Variants in TSPAN7 observed in about 807,000 individuals in gnomAD.
TSPAN7 encodes the protein tetraspanin-7.
A neutral mutation model predicts 17.6 loss-of-function variants in TSPAN7; 1 was observed. The ratio of observed to expected loss-of-function variants is 0.06; its 90% confidence interval spans 0.02 to 0.27. The LOEUF (loss-of-function observed/expected upper bound fraction) is 0.27. Ranked by LOEUF, TSPAN7 falls within the 10% of genes least tolerant of loss-of-function variation. The pLI is 1.00. For missense variants in TSPAN7, 112 were observed against 201.7 expected (o/e 0.56, Z 2.69); for synonymous variants, 78 against 79.0 (o/e 0.99, Z 0.07).
At chrX:38,687,472 A>G (rs2069933161) in intron 6 of TSPAN7, 127 bp from the exon 7 acceptor site, 3 of 539,318 alleles carry the variant, frequency 5.6e-6, no homozygotes, top group Admixed American at 3.3e-5. Flanking sequence ...TTAAAAAATT[A>G]TGTCTAGTGA....
At chrX:38,617,661 G>A (rs2069463306) in intron 1 of TSPAN7, among the ~76,000 whole-genome samples, 1 of 112,196 alleles carries the variant, frequency 8.9e-6, no homozygotes, top group Non-Finnish European at 1.9e-5. Context: ...GACTCCCAAA[G>A]CATTGGTCAG....
intron 1 of TSPAN7, among the ~76,000 whole-genome samples, chrX:38,637,980 C>T (rs976717125): frequency 1.8e-5 from 2 of 111,426 alleles, no homozygotes; most frequent in African/African-American, 6.5e-5. Flanking sequence ...TTACATCAGA[C>T]CTGGAGCCAC....
At chrX:38,644,073 A>G (rs2069630993) in intron 1 of TSPAN7, among the ~76,000 whole-genome samples, 1 of 111,404 alleles carries the variant, frequency 9.0e-6, no homozygotes, top group Non-Finnish European at 1.9e-5. Flanking sequence ...TCCAGTGGGT[A>G]TAATAAAATT....
At chrX:38,676,196 A>G (rs1233417563) in intron 5 of TSPAN7, among the ~76,000 whole-genome samples, 4 of 111,345 alleles carry the variant, frequency 3.6e-5, no homozygotes, top group Non-Finnish European at 3.8e-5. Flanking sequence ...TCTGCTTAAT[A>G]TACCATCTAA....
At chrX:38,634,892 A>ACAGTGTACAGTGT (rs2069571185) in intron 1 of TSPAN7, among the ~76,000 whole-genome samples, 1 of 110,110 alleles carries the variant, frequency 9.1e-6, no homozygotes, top group South Asian at 3.9e-4. Flanking sequence ...TCATGTGCAT[A>ACAGTGTACAGTGT]ACCTGATAAG....
chrX:38,642,040 C>G (rs2069615182), intron 1 of TSPAN7, among the ~76,000 whole-genome samples: 1 of 111,917 alleles, frequency 8.9e-6, no homozygotes, highest in African/African-American at 3.3e-5. Flanking sequence ...TCATGTTTCT[C>G]CTGAAAGCCA....
At chrX:38,634,317 T>C (rs181254895) in intron 1 of TSPAN7, among the ~76,000 whole-genome samples, 1 of 112,336 alleles carries the variant, frequency 8.9e-6, no homozygotes, top group Admixed American at 9.4e-5. Flanking sequence ...TGCATAAGGC[T>C]TTAAAAGGTA....
chrX:38,673,435 T>G (rs1602122942), intron 3 of TSPAN7, among the ~76,000 whole-genome samples: 1 of 104,646 alleles, frequency 9.6e-6, no homozygotes, highest in East Asian at 3.1e-4. Context: ...TGGCACAATC[T>G]CTGCTTACTG....
chrX:38,603,602 C>T (rs1469522902), intron 1 of TSPAN7, among the ~76,000 whole-genome samples: 2 of 111,152 alleles, frequency 1.8e-5, no homozygotes, highest in Non-Finnish European at 3.8e-5. Context: ...AGTACTGATT[C>T]ATGCTATATC....
chrX:38,687,446 C>G (rs1462382255), intron 6 of TSPAN7, among the ~76,000 whole-genome samples, 153 bp from the exon 7 acceptor site: 2 of 111,653 alleles, frequency 1.8e-5, no homozygotes, highest in African/African-American at 6.5e-5. Context: ...CATTTACATA[C>G]AGAAACACTT....
chrX:38,594,857 A>C (rs2069310329), intron 1 of TSPAN7, among the ~76,000 whole-genome samples: 2 of 111,464 alleles, frequency 1.8e-5, no homozygotes, highest in South Asian at 7.5e-4. Context: ...GCATGCATGG[A>C]GTGGGTGGCG....
At chrX:38,655,121 G>A (rs1358386494) in intron 1 of TSPAN7, among the ~76,000 whole-genome samples, 1 of 111,534 alleles carries the variant, frequency 9.0e-6, no homozygotes, top group Non-Finnish European at 1.9e-5. Context: ...ATGAAATGTT[G>A]TGGGAGGATT....
intron 3 of TSPAN7, 21 bp from the exon 4 acceptor site, chrX:38,674,200 A>G (rs2069838890): frequency 6.1e-6 from 7 of 1,154,053 alleles, no homozygotes; most frequent in Middle Eastern, 2.4e-4. Flanking sequence ...CTGCAATCAC[A>G]TCCCTCCTTG....
At chrX:38,604,179 A>G (rs1329133787) in intron 1 of TSPAN7, among the ~76,000 whole-genome samples, 5 of 103,699 alleles carry the variant, frequency 4.8e-5, no homozygotes, top group Non-Finnish European at 7.9e-5. Context: ...AATTTCATCC[A>G]TGTCCCTACA....
At chrX:38,648,193 A>G (rs142760633) in intron 1 of TSPAN7, among the ~76,000 whole-genome samples, 2,324 of 112,241 alleles carry the variant, frequency 0.021, 61 homozygotes, top group African/African-American at 0.071. Flanking sequence ...TACAAATGTT[A>G]GAGGATATTT....
At chrX:38,573,944 C>T (rs973143589) in intron 1 of TSPAN7, among the ~76,000 whole-genome samples, 5 of 111,492 alleles carry the variant, frequency 4.5e-5, no homozygotes, top group Admixed American at 9.5e-5. Context: ...CTTTGATCAC[C>T]GGGGTGAGAT....
At chrX:38,646,415 G>A in intron 1 of TSPAN7, 1 of 742,914 alleles carries the variant, frequency 1.3e-6, no homozygotes, top group Non-Finnish European at 1.9e-6. Context: ...TGAAGTGGCA[G>A]TGGAATAGAG....
At position 38,612,148 on chromosome X, in the gene TSPAN7, G is replaced by C. The variant is rs1193412694; in HGVS notation, c.81+50521G>C. Among the ~76,000 whole-genome samples, 4 of 111,639 alleles carry C rather than the reference G, an allele frequency of 3.6e-5. No homozygotes were observed. The East Asian group carries it at 1.1e-3, about 31-fold the overall frequency. ...TGGGGAAGTTGGTGGGTAAAGCCTTGAGTGAATCTGAGGAAAAATGGGTCT... is the reference window on the plus strand; with the variant it reads ...TGGGGAAGTTGGTGGGTAAAGCCTTCAGTGAATCTGAGGAAAAATGGGTCT... On this transcript the variant is annotated intron_variant, in intron 1 of 7. Coordinates refer to ENST00000378482, the MANE Select transcript of TSPAN7 (RefSeq NM_004615.4).
intron 1 of TSPAN7, among the ~76,000 whole-genome samples, chrX:38,646,757 A>G (rs954259912): frequency 8.9e-6 from 1 of 112,498 alleles, no homozygotes; most frequent in Non-Finnish European, 1.9e-5. Context: ...TATTTATTTT[A>G]AAATTCTGCC....
Sources: gnomAD v4.1 joint callset for allele counts (sites outside exome capture counted in the v4.1 genomes callset) on GRCh38, gnomAD v4.1.1 for gene constraint, MANE v1.5 for transcripts, NCBI Gene and HGNC (gene_info 2026-07-23, HGNC 2026-07-21) for gene names.